The following CASR variants were observed in gnomAD, a reference collection of about 807,000 sequenced individuals.
CASR encodes the protein extracellular calcium-sensing receptor.
A neutral mutation model predicts 69.1 loss-of-function variants in CASR; 23 were observed. That is an observed-to-expected ratio of 0.33 (90% confidence interval 0.24 to 0.47). CASR has a LOEUF of 0.47. Ranked by LOEUF, CASR falls within the 20% of genes least tolerant of loss-of-function variation. CASR has a pLI of 1.00. For synonymous variants in CASR, 541 were observed against 544.7 expected (o/e 0.99, Z 0.10); for missense variants, 924 against 1,356.1 (o/e 0.68, Z 5.00).
chr3:122,230,977 C>T (rs1195390193), intron 1 of CASR, among the ~76,000 whole-genome samples: 1 of 152,216 alleles, frequency 6.6e-6, no homozygotes, highest in African/African-American at 2.4e-5. Context: ...GCATTTGACA[C>T]CTGAAACTCA....
At chr3:122,230,069 C>T (rs1424319383) in intron 1 of CASR, among the ~76,000 whole-genome samples, 2 of 152,198 alleles carry the variant, frequency 1.3e-5, no homozygotes, top group Admixed American at 6.5e-5. Context: ...GCCTTCTTGG[C>T]CCCGGCATTA....
At chr3:122,251,688 G>A (rs2074485275) in intron 1 of CASR, among the ~76,000 whole-genome samples, 1 of 152,206 alleles carries the variant, frequency 6.6e-6, no homozygotes, top group South Asian at 2.1e-4. Flanking sequence ...CAGCAAGGTT[G>A]GAGTGTGACA....
intron 4 of CASR, among the ~76,000 whole-genome samples, chr3:122,272,090 T>TGC (rs2074764884): frequency 2.9e-5 from 1 of 33,902 alleles, no homozygotes; most frequent in Non-Finnish European, 5.3e-5. Flanking sequence ...CTCCTAGGAA[T>TGC]GCACACACAC....
chr3:122,227,673 G>A (rs1360422705), intron 1 of CASR, among the ~76,000 whole-genome samples: 3 of 152,340 alleles, frequency 2.0e-5, no homozygotes, highest in South Asian at 4.2e-4. Context: ...CACAGTGGGA[G>A]CCAAGGCCGA....
rs1406450613 is a variant in CASR, at chr3:122,285,247, G to A, written c.*56G>A. 1 of 1,548,346 alleles carries A rather than the reference G, an allele frequency of 6.5e-7. No homozygotes were observed. Among genetic ancestry groups the A allele is most frequent in the African/African-American group, 1.4e-5 (1 of 73,654 alleles). Reference sequence around the variant, plus strand: ...TGCAGAGAGGTTTCTTGGGGTCCCAGGGAAGAGGAATCGCCCCAGACTCCT... The same window carrying A: ...TGCAGAGAGGTTTCTTGGGGTCCCAAGGAAGAGGAATCGCCCCAGACTCCT... On this transcript the variant is annotated 3_prime_UTR_variant, in exon 7 of 7. Transcript: ENST00000639785.
intron 1 of CASR, chr3:122,184,270 G>C (rs2073751485): frequency 6.5e-6 from 1 of 153,554 alleles, no homozygotes; most frequent in Non-Finnish European, 1.5e-5. Flanking sequence ...CGGGCGGGGA[G>C]CAGGAGAGGG....
At chr3:122,189,307 G>A (rs1424518013) in intron 1 of CASR, among the ~76,000 whole-genome samples, 2 of 152,238 alleles carry the variant, frequency 1.3e-5, no homozygotes, top group Non-Finnish European at 1.5e-5. Flanking sequence ...CGGTTGTGAA[G>A]TTTAAATGAG....
Position 122,291,234 on chromosome 3 carries a change from G to T in CASR, c.*6043G>T, listed in dbSNP as rs1432527381. ...TAGCAGCATGATTTCTAATCCTTTG[G>T]GTATATACCCAGTAATGGGATGGCT... is the stretch of plus-strand genomic sequence containing the variant. On this transcript the variant is annotated 3_prime_UTR_variant, in exon 7 of 7. Coordinates refer to ENST00000639785, the MANE Select transcript of CASR (RefSeq NM_000388.4). 1.3e-5 allele frequency: 2 copies of T among 151,452 alleles called. No homozygotes were observed. The highest frequency in any genetic ancestry group is 2.1e-4 in the South Asian group (1 of 4,740). 9.4% of individuals were successfully genotyped at this position (151,452 alleles called of 1,614,324 possible).
chr3:122,230,286 A>G (rs1342742698), intron 1 of CASR, among the ~76,000 whole-genome samples: 1 of 152,242 alleles, frequency 6.6e-6, no homozygotes, highest in East Asian at 1.9e-4. Context: ...GGTGAGGGCC[A>G]GAACCCAAGT....
At chr3:122,217,839 AT>A in intron 1 of CASR, among the ~76,000 whole-genome samples, 1 of 152,240 alleles carries the variant, frequency 6.6e-6, no homozygotes, top group South Asian at 2.1e-4. Context: ...AATGTTAGCT[AT>A]TATTTTTGGT....
intron 5 of CASR, among the ~76,000 whole-genome samples, chr3:122,281,653 G>A (rs969562307): frequency 6.6e-6 from 1 of 151,784 alleles, no homozygotes; most frequent in South Asian, 2.1e-4. Flanking sequence ...CCATTAATTT[G>A]CTAATGCAGT....
At chr3:122,211,534 C>G (rs754478629) in intron 1 of CASR, among the ~76,000 whole-genome samples, 5 of 152,168 alleles carry the variant, frequency 3.3e-5, no homozygotes, top group Non-Finnish European at 5.9e-5. Flanking sequence ...ATGGCAAAAC[C>G]CTGTCTCTAC....
intron 1 of CASR, among the ~76,000 whole-genome samples, chr3:122,193,688 C>A (rs2073860306): frequency 6.6e-6 from 1 of 152,174 alleles, no homozygotes; most frequent in South Asian, 2.1e-4. Flanking sequence ...TTAGCTTTGA[C>A]TTCAAAATTA....
intron 3 of CASR, among the ~76,000 whole-genome samples, chr3:122,260,769 G>A (rs2074611522): frequency 6.6e-6 from 1 of 152,038 alleles, no homozygotes; most frequent in South Asian, 2.1e-4. Flanking sequence ...TTTTTCTGAT[G>A]ATATTTAATT....
rs766569230 is a variant in CASR, at chr3:122,284,998, C to T, written c.3044C>T (p.Pro1015Leu). The T allele has an allele frequency of 6.2e-7, 1 of 1,614,208 alleles. No homozygotes were observed. The highest frequency in any genetic ancestry group is 8.5e-7 in the Non-Finnish European group (1 of 1,180,034). Residue 1015 changes from proline to leucine, a missense_variant, in exon 7 of 7, where the codon CCG (proline) becomes CTG (leucine). Pro to Leu is a moderately conservative substitution (Grantham distance 98). Transcript: ENST00000639785. ...CTGACCCGACACGAGCCATTACTCC[C>T]GCTGCAGTGCGGGGAAACGGACTTA... ...DTLTRHEPLL[P>L]LQCGETDLDL... is the part of the protein sequence containing the mutation.
Position 122,283,773 on chromosome 3 carries a change from T to C in CASR, c.1819T>C (p.Ser607Pro). 6.2e-7 allele frequency: 1 copy of C among 1,614,184 alleles called. No individual in the cohort carries two copies. The highest frequency in any genetic ancestry group is 8.5e-7 in the Non-Finnish European group (1 of 1,180,020). Residue 607 changes from serine to proline, a missense_variant, in exon 7 of 7, where the codon TCG becomes CCG. By Grantham distance (74) the Ser-to-Pro change is moderately conservative. Coordinates refer to ENST00000639785, the MANE Select transcript of CASR (RefSeq NM_000388.4). ...CATTGCCAAGGAGATCGAGTTTCTG[T>C]CGTGGACGGAGCCCTTTGGGATCGC... is the stretch of plus-strand genomic sequence containing the variant. Reference protein sequence around the residue: ...SCIAKEIEFLSWTEPFGIALT... With the variant: ...SCIAKEIEFLPWTEPFGIALT...
At chr3:122,202,901 T>G (rs2107589194) in intron 1 of CASR, among the ~76,000 whole-genome samples, 1 of 152,368 alleles carries the variant, frequency 6.6e-6, no homozygotes, top group East Asian at 1.9e-4. Context: ...AATACTGTTA[T>G]AGAATAGTCT....
intron 4 of CASR, among the ~76,000 whole-genome samples, chr3:122,274,704 C>A (rs1195472884): frequency 6.6e-6 from 1 of 152,120 alleles, no homozygotes; most frequent in East Asian, 1.9e-4. Context: ...GAGTTTGAGA[C>A]CAGCGTAGGC....
intron 1 of CASR, among the ~76,000 whole-genome samples, chr3:122,233,257 G>A (rs529801355): frequency 2.6e-5 from 4 of 152,234 alleles, no homozygotes; most frequent in South Asian, 2.1e-4. Flanking sequence ...ACACCCCACC[G>A]TTCTCCTTCT....
Sources: gnomAD v4.1 joint callset for allele counts (sites outside exome capture counted in the v4.1 genomes callset) on GRCh38, gnomAD v4.1.1 for gene constraint, MANE v1.5 for transcripts, NCBI Gene and HGNC (gene_info 2026-07-23, HGNC 2026-07-21) for gene names.